The following SH3BGRL variants were observed in gnomAD, a reference collection of about 807,000 sequenced individuals.
SH3BGRL encodes the protein adapter SH3BGRL.
In SH3BGRL, 7 loss-of-function variants were observed where a neutral mutation model predicts 9.8. The ratio of observed to expected loss-of-function variants is 0.72; its 90% CI spans 0.41 to 1.35. SH3BGRL has a LOEUF of 1.35. SH3BGRL is among the 40% of genes most tolerant of loss of function. The pLI is 0.01. For missense variants in SH3BGRL, 73 were observed against 84.4 expected, an observed-to-expected ratio of 0.86 and a Z score of 0.53; for synonymous variants, 36 against 29.1, an observed-to-expected ratio of 1.24 and a Z score of -0.76.
chrX:81,205,504 G>GTATATATATATATATA (rs34834268), intron 1 of SH3BGRL, among the ~76,000 whole-genome samples: 3 of 85,154 alleles, frequency 3.5e-5, no homozygotes, highest in African/African-American at 1.4e-4. Flanking sequence ...GTGTGTGTGT[G>GTATATATATATATATA]TATATATATA....
intron 3 of SH3BGRL, among the ~76,000 whole-genome samples, chrX:81,281,629 C>T (rs186468535): frequency 7.1e-5 from 8 of 111,977 alleles, no homozygotes; most frequent in Admixed American, 9.5e-5. Context: ...TGAGAGAATT[C>T]GCCATTATCA....
intron 1 of SH3BGRL, chrX:81,202,534 A>AC: frequency 1.1e-6 from 1 of 921,424 alleles, no homozygotes; most frequent in Non-Finnish European, 1.3e-6. Flanking sequence ...ATGGTGCTAT[A>AC]CGGTCTTTAG....
At chrX:81,284,842 C>T (rs770177594) in intron 3 of SH3BGRL, among the ~76,000 whole-genome samples, 1 of 110,764 alleles carries the variant, frequency 9.0e-6, no homozygotes, top group South Asian at 3.8e-4. Flanking sequence ...AACAGCTAAG[C>T]AGGGCCCAGC....
intron 1 of SH3BGRL, among the ~76,000 whole-genome samples, chrX:81,240,211 T>A (rs770296443): frequency 8.9e-6 from 1 of 111,900 alleles, no homozygotes; most frequent in East Asian, 2.8e-4. Flanking sequence ...AACTACAACA[T>A]CTTTTGGAGA....
Position 81,253,308 on chromosome X carries a change from G to T in SH3BGRL, c.46-23676G>T, listed in dbSNP as rs780140910. Among the ~76,000 whole-genome samples the T allele has an allele frequency of 5.3e-5, 6 of 112,238 alleles. No homozygotes were observed. In the East Asian group the frequency reaches 1.7e-3, roughly 31 times the overall value. ...TATTATCATCCCTGGAGATGGAAGA[G>T]TTCAGTCTGGCTTGATGGATTATTT... On this transcript the variant is annotated intron_variant, in intron 1 of 3. Coordinates refer to ENST00000373212, the MANE Select transcript of SH3BGRL (RefSeq NM_003022.3).
At chrX:81,289,440 A>G (rs1321004507) in intron 3 of SH3BGRL, among the ~76,000 whole-genome samples, 4 of 112,078 alleles carry the variant, frequency 3.6e-5, no homozygotes, top group African/African-American at 1.3e-4. Context: ...TCAAGTTAAA[A>G]AGTTTCTTCA....
intron 1 of SH3BGRL, among the ~76,000 whole-genome samples, chrX:81,215,722 ATCT>A (rs1350675350): frequency 1.8e-5 from 2 of 111,499 alleles, no homozygotes; most frequent in Admixed American, 1.9e-4. Flanking sequence ...CCTGACAATG[ATCT>A]TCTTATTGAA....
At chrX:81,246,057 G>A (rs770864556) in intron 1 of SH3BGRL, among the ~76,000 whole-genome samples, 26 of 111,621 alleles carry the variant, frequency 2.3e-4, no homozygotes, top group African/African-American at 7.5e-4. Context: ...ACATTTCTCC[G>A]ATGATTAGTA....
At chrX:81,254,148 G>A (rs1432287427) in intron 1 of SH3BGRL, among the ~76,000 whole-genome samples, 2 of 112,028 alleles carry the variant, frequency 1.8e-5, no homozygotes, top group African/African-American at 6.5e-5. Context: ...GATAGTCATA[G>A]TTCAAATAAC....
At chrX:81,273,003 T>G (rs750041775) in intron 1 of SH3BGRL, among the ~76,000 whole-genome samples, 1 of 112,201 alleles carries the variant, frequency 8.9e-6, no homozygotes, top group Non-Finnish European at 1.9e-5. Context: ...TATGTAATAA[T>G]TCAGTAGGAG....
chrX:81,202,284 C>T, intron 1 of SH3BGRL, 39 bp downstream of exon 1: 3 of 1,149,695 alleles, frequency 2.6e-6, no homozygotes, highest in East Asian at 6.3e-5. Context: ...TGTTTTCCTA[C>T]ACACCAGTCC....
chrX:81,242,006 C>A (rs941194121), intron 1 of SH3BGRL, among the ~76,000 whole-genome samples: 1 of 112,370 alleles, frequency 8.9e-6, no homozygotes, highest in Admixed American at 9.4e-5. Context: ...TTGCCCTTGG[C>A]AGGTATGGGA....
intron 3 of SH3BGRL, among the ~76,000 whole-genome samples, chrX:81,292,424 G>C (rs2075861064): frequency 9.0e-6 from 1 of 110,870 alleles, no homozygotes; most frequent in Non-Finnish European, 1.9e-5. Flanking sequence ...CATATCCTGA[G>C]GCTGCACAGA....
At chrX:81,287,902 T>C (rs1265463958) in intron 3 of SH3BGRL, among the ~76,000 whole-genome samples, 1 of 105,073 alleles carries the variant, frequency 9.5e-6, no homozygotes, top group African/African-American at 3.5e-5. Flanking sequence ...AATATTACCC[T>C]GGTGCCAAAA....
chrX:81,247,218 T>C (rs2075692372), intron 1 of SH3BGRL, among the ~76,000 whole-genome samples: 1 of 111,909 alleles, frequency 8.9e-6, no homozygotes, highest in South Asian at 3.7e-4. Context: ...TGGAAGAGTG[T>C]TTAGGGTTTT....
At chrX:81,265,651 T>C (rs1253666989) in intron 1 of SH3BGRL, among the ~76,000 whole-genome samples, 1 of 112,129 alleles carries the variant, frequency 8.9e-6, no homozygotes, top group East Asian at 2.8e-4. Flanking sequence ...CTAATGTGAA[T>C]AGTGCTGCAA....
intron 1 of SH3BGRL, among the ~76,000 whole-genome samples, chrX:81,245,517 C>T (rs2075685724): frequency 8.9e-6 from 1 of 112,185 alleles, no homozygotes; most frequent in African/African-American, 3.2e-5. Context: ...GAGCAGGTAA[C>T]TGTGCGAGTA....
intron 3 of SH3BGRL, among the ~76,000 whole-genome samples, chrX:81,283,062 A>C (rs2075823015): frequency 8.9e-6 from 1 of 112,063 alleles, no homozygotes; most frequent in East Asian, 2.8e-4. Flanking sequence ...TAAACTAGAA[A>C]ACCTAGAAGA....
At chrX:81,243,624 T>G (rs1372205492) in intron 1 of SH3BGRL, among the ~76,000 whole-genome samples, 1 of 111,430 alleles carries the variant, frequency 9.0e-6, no homozygotes, top group Non-Finnish European at 1.9e-5. Context: ...TACCTAATTC[T>G]GTACGATGTG....
Sources: gnomAD v4.1 joint callset for allele counts (sites outside exome capture counted in the v4.1 genomes callset) on GRCh38, gnomAD v4.1.1 for gene constraint, MANE v1.5 for transcripts, NCBI Gene and HGNC (gene_info 2026-07-23, HGNC 2026-07-21) for gene names.